PATJ: variants seen among roughly 807,000 people sequenced by gnomAD.
PATJ encodes the protein PATJ crumbs cell polarity complex component, also known as inaD-like protein.
In PATJ, 190 loss-of-function variants were observed where a neutral mutation model predicts 224.9. The ratio of observed to expected loss-of-function variants is 0.84; its 90% CI spans 0.75 to 0.95. PATJ has a LOEUF of 0.95. Among genes scored for constraint, PATJ ranks in the 40% least tolerant of loss-of-function variants. The pLI is 0.00. For missense variants in PATJ, 2,121 were observed against 2,270.3 expected, an observed-to-expected ratio of 0.93 and a Z score of 1.34; for synonymous variants, 769 against 820.3, an observed-to-expected ratio of 0.94 and a Z score of 1.07.
rs761992089 is a variant in PATJ at position 62,128,958 on chromosome 1, A to G, written c.5271+13A>G. The G allele has an allele frequency of 1.3e-5, 20 of 1,554,468 alleles. No homozygotes were observed. The highest frequency in any genetic ancestry group is 1.7e-5 in the Non-Finnish European group (19 of 1,126,626). On this transcript the variant is annotated intron_variant, in intron 41 of 43. Transcript: ENST00000642238. ...CATTATCCTGCAGGTATTGCGATCA[A>G]CGGAGCACGCAGCTGTGCAAGGCAG...
At chr1:62,134,546 T>C (rs1268337693) in intron 41 of PATJ, among the ~76,000 whole-genome samples, 1 of 150,646 alleles carries the variant, frequency 6.6e-6, no homozygotes. Flanking sequence ...GGTTTCACCA[T>C]GTTGGTCAGC....
At chr1:62,034,879 A>AT (rs1420108692) in intron 29 of PATJ, among the ~76,000 whole-genome samples, 5 of 152,232 alleles carry the variant, frequency 3.3e-5, no homozygotes, top group African/African-American at 1.2e-4. Flanking sequence ...GGTTCAGTTC[A>AT]TCACGATCTC....
intron 1 of PATJ, among the ~76,000 whole-genome samples, chr1:61,743,593 G>A (rs540486672): frequency 7.3e-4 from 111 of 152,312 alleles, no homozygotes; most frequent in African/African-American, 2.6e-3. Flanking sequence ...CACATTCTGG[G>A]CTAAATTCCT....
chr1:62,160,866 G>A, intron 43 of PATJ, 42 bp from the exon 44 acceptor site: 1 of 1,604,718 alleles, frequency 6.2e-7, no homozygotes, highest in African/African-American at 1.3e-5. Flanking sequence ...AATATAAACT[G>A]TGTTTTACCC....
chr1:61,984,776 A>G (rs1557991610), intron 27 of PATJ, among the ~76,000 whole-genome samples: 3 of 152,136 alleles, frequency 2.0e-5, no homozygotes, highest in Middle Eastern at 3.4e-3. Flanking sequence ...CTGACAACAC[A>G]CTGAAATAAG....
intron 7 of PATJ, among the ~76,000 whole-genome samples, chr1:61,784,479 T>C (rs1026356222): frequency 6.6e-6 from 1 of 152,216 alleles, no homozygotes; most frequent in Non-Finnish European, 1.5e-5. Context: ...ACACCTGCTT[T>C]TCTGTAGCAA....
chr1:61,786,260 G>T (rs1048788664), intron 7 of PATJ, among the ~76,000 whole-genome samples: 4 of 152,184 alleles, frequency 2.6e-5, no homozygotes, highest in African/African-American at 9.6e-5. Flanking sequence ...GGCCTCAAGT[G>T]ATCCACCCAC....
At chr1:61,757,531 G>C (rs913949176) in intron 1 of PATJ, among the ~76,000 whole-genome samples, 1 of 151,290 alleles carries the variant, frequency 6.6e-6, no homozygotes, top group African/African-American at 2.4e-5. Flanking sequence ...GACTACAGGC[G>C]TGCACCATCA....
At chr1:61,841,515 C>G (rs563907584) in intron 17 of PATJ, among the ~76,000 whole-genome samples, 2 of 151,346 alleles carry the variant, frequency 1.3e-5, no homozygotes, top group East Asian at 3.9e-4. Context: ...TAGGCATGTA[C>G]TATAAGTTAT....
chr1:61,927,929 A>C, intron 27 of PATJ, 100 bp downstream of exon 27: 1 of 831,194 alleles, frequency 1.2e-6, no homozygotes, highest in South Asian at 1.8e-5. Context: ...AGTTCTTCAA[A>C]AATGTGCATG....
chr1:62,132,602 T>G (rs1666376271), intron 41 of PATJ, among the ~76,000 whole-genome samples: 1 of 152,116 alleles, frequency 6.6e-6, no homozygotes, highest in Admixed American at 6.5e-5. Flanking sequence ...TCATTTTGAC[T>G]TTTTAAATTA....
At chr1:61,873,789 G>C (rs1571036240) in intron 20 of PATJ, among the ~76,000 whole-genome samples, 1 of 152,326 alleles carries the variant, frequency 6.6e-6, no homozygotes, top group East Asian at 1.9e-4. Context: ...AGTTTGCCTA[G>C]GCATGCCCAC....
intron 29 of PATJ, among the ~76,000 whole-genome samples, chr1:62,037,391 A>G (rs1279816360): frequency 1.3e-5 from 2 of 151,788 alleles, no homozygotes; most frequent in African/African-American, 4.8e-5. Context: ...CATCTACTCT[A>G]CTCCATTGGG....
intron 10 of PATJ, among the ~76,000 whole-genome samples, chr1:61,796,738 TTCTTTTTTTTCTTCCTTTCTTCCTTTCTA>T (rs1651350335): frequency 1.2e-5 from 1 of 83,878 alleles, no homozygotes; most frequent in African/African-American, 4.8e-5. Context: ...CTTTCTTTCT[TTCTTTTTTTTCTTCCTTTCTTCCTTTCTA>T]TTTTCTTCCC....
intron 26 of PATJ, among the ~76,000 whole-genome samples, chr1:61,919,414 C>T (rs1172138578): frequency 1.3e-5 from 2 of 151,758 alleles, no homozygotes; most frequent in Admixed American, 6.6e-5. Context: ...AGTAGTCCTC[C>T]CATCTGAGCC....
At chr1:62,049,730 A>G (rs893023173) in intron 30 of PATJ, among the ~76,000 whole-genome samples, 1 of 152,236 alleles carries the variant, frequency 6.6e-6, no homozygotes, top group African/African-American at 2.4e-5. Context: ...TCATTTATGT[A>G]AATACATATT....
intron 43 of PATJ, among the ~76,000 whole-genome samples, chr1:62,155,885 G>A (rs572660974): frequency 3.7e-4 from 56 of 150,214 alleles, no homozygotes; most frequent in African/African-American, 1.0e-3. Context: ...GTGAAATCCC[G>A]TCTCTACTAA....
chr1:61,941,758 C>G (rs1346497387), intron 27 of PATJ, among the ~76,000 whole-genome samples: 4 of 152,126 alleles, frequency 2.6e-5, no homozygotes, highest in Non-Finnish European at 5.9e-5. Context: ...TAAAAACTTA[C>G]AGCTTTCATC....
At chr1:61,870,031 C>A (rs35138709) in intron 20 of PATJ, among the ~76,000 whole-genome samples, 1,780 of 152,350 alleles carry the variant, frequency 0.012, 19 homozygotes, top group South Asian at 0.049. Flanking sequence ...AGTGAGCCCT[C>A]TGCCTTTTCA....
Sources: gnomAD v4.1 joint callset for allele counts (sites outside exome capture counted in the v4.1 genomes callset) on GRCh38, gnomAD v4.1.1 for gene constraint, MANE v1.5 for transcripts, NCBI Gene and HGNC (gene_info 2026-07-23, HGNC 2026-07-21) for gene names.